Variants in GRM8 observed in about 807,000 individuals in gnomAD.
GRM8 encodes the protein glutamate metabotropic receptor 8.
In GRM8, 47 loss-of-function variants were observed where a neutral mutation model predicts 87.2. The ratio of observed to expected loss-of-function variants is 0.54; its 90% CI spans 0.43 to 0.69. The LOEUF (loss-of-function observed/expected upper bound fraction) is 0.69. GRM8 is among the 30% of genes least tolerant of loss of function. GRM8 has a pLI of 0.00. For synonymous variants in GRM8, 396 were observed against 404.5 expected (o/e 0.98, Z 0.25); for missense variants, 1,019 against 1,139.2 (o/e 0.89, Z 1.52).
chr7:126,557,527 G>A (rs1464929456), intron 8 of GRM8, among the ~76,000 whole-genome samples: 8 of 151,730 alleles, frequency 5.3e-5, no homozygotes, highest in African/African-American at 1.7e-4. Context: ...AGTGGCGATC[G>A]TAAGAAATTT....
chr7:126,842,826 G>A (rs371831090), intron 6 of GRM8, among the ~76,000 whole-genome samples: 240 of 152,306 alleles, frequency 1.6e-3, no homozygotes, highest in African/African-American at 5.6e-3. Flanking sequence ...AAAGAATGCA[G>A]TCCTGCTGAC....
chr7:126,451,473 A>G (rs1048011033), intron 9 of GRM8, among the ~76,000 whole-genome samples: 3 of 151,660 alleles, frequency 2.0e-5, no homozygotes, highest in Non-Finnish European at 4.4e-5. Flanking sequence ...TCAGTACTGT[A>G]ACTGTCCTAG....
At chr7:127,121,602 A>G (rs976015620) in intron 2 of GRM8, among the ~76,000 whole-genome samples, 1 of 152,166 alleles carries the variant, frequency 6.6e-6, no homozygotes, top group African/African-American at 2.4e-5. Flanking sequence ...TAATTGATTC[A>G]CAGTTCTGCA....
intron 7 of GRM8, among the ~76,000 whole-genome samples, chr7:126,664,174 G>T (rs893943605): frequency 6.6e-6 from 1 of 152,134 alleles, no homozygotes; most frequent in Non-Finnish European, 1.5e-5. Flanking sequence ...CATGCTCATG[G>T]ATTAGAAGAA....
intron 3 of GRM8, among the ~76,000 whole-genome samples, chr7:126,997,641 GACT>G (rs2132004132): frequency 6.6e-6 from 1 of 151,590 alleles, no homozygotes; most frequent in South Asian, 2.1e-4. Context: ...GATCATTAGT[GACT>G]ACTATGAGCA....
intron 3 of GRM8, among the ~76,000 whole-genome samples, chr7:127,085,689 T>C (rs1249739180): frequency 1.3e-5 from 2 of 152,224 alleles, no homozygotes; most frequent in African/African-American, 2.4e-5. Context: ...AAGTTCTTTG[T>C]AGATTCTGGA....
intron 3 of GRM8, among the ~76,000 whole-genome samples, chr7:127,016,395 C>T (rs938377342): frequency 3.9e-5 from 6 of 151,964 alleles, no homozygotes; most frequent in African/African-American, 1.4e-4. Flanking sequence ...ATTCCAAAAA[C>T]AACACTTTTC....
intron 3 of GRM8, among the ~76,000 whole-genome samples, chr7:126,929,118 T>C (rs1455144012): frequency 1.3e-5 from 2 of 152,198 alleles, no homozygotes; most frequent in Non-Finnish European, 2.9e-5. Context: ...GGAAATTTGC[T>C]TAAAGGAATT....
At chr7:126,958,146 G>A (rs1338343402) in intron 3 of GRM8, among the ~76,000 whole-genome samples, 2 of 152,148 alleles carry the variant, frequency 1.3e-5, no homozygotes, top group Non-Finnish European at 2.9e-5. Flanking sequence ...GTTGCTCAAT[G>A]AAGCTCCTCT....
At chr7:126,556,313 C>T (rs1230374553) in intron 8 of GRM8, among the ~76,000 whole-genome samples, 1 of 118,268 alleles carries the variant, frequency 8.5e-6, no homozygotes, top group African/African-American at 3.2e-5. Flanking sequence ...ACTAGAGTGA[C>T]AATGGAGAAG....
At chr7:127,070,962 C>A (rs1821624898) in intron 3 of GRM8, among the ~76,000 whole-genome samples, 2 of 152,158 alleles carry the variant, frequency 1.3e-5, no homozygotes, top group African/African-American at 4.8e-5. Context: ...ATTTCATCTT[C>A]AGTTTCTAAC....
intron 3 of GRM8, among the ~76,000 whole-genome samples, chr7:126,984,679 T>C (rs1022478946): frequency 2.0e-5 from 3 of 152,128 alleles, no homozygotes; most frequent in Admixed American, 6.5e-5. Context: ...GATATAAATA[T>C]GTCCTATTAG....
intron 2 of GRM8, among the ~76,000 whole-genome samples, chr7:127,164,269 C>T (rs1469163587): frequency 6.6e-6 from 1 of 152,176 alleles, no homozygotes; most frequent in African/African-American, 2.4e-5. Flanking sequence ...GCTTCTTGTA[C>T]AGCCTGCAGA....
intron 3 of GRM8, among the ~76,000 whole-genome samples, chr7:126,913,571 G>GT (rs762237103): frequency 3.4e-4 from 51 of 152,086 alleles, no homozygotes; most frequent in Non-Finnish European, 6.9e-4. Context: ...ATAACCAGGT[G>GT]TTTTTTTAAG....
chr7:126,873,910 T>C (rs1799314632), intron 6 of GRM8, among the ~76,000 whole-genome samples: 2 of 152,132 alleles, frequency 1.3e-5, no homozygotes, highest in South Asian at 4.1e-4. Flanking sequence ...AATTTTATAT[T>C]CTAAGTCAAT....
intron 7 of GRM8, among the ~76,000 whole-genome samples, chr7:126,653,600 G>A (rs996438900): frequency 6.6e-6 from 1 of 152,174 alleles, no homozygotes; most frequent in Non-Finnish European, 1.5e-5. Context: ...TATCAAAGTG[G>A]TTCAGTTTTC....
intron 3 of GRM8, among the ~76,000 whole-genome samples, chr7:127,014,580 T>G (rs1815214405): frequency 6.6e-6 from 1 of 152,108 alleles, no homozygotes; most frequent in Non-Finnish European, 1.5e-5. Flanking sequence ...AATACGGTTG[T>G]GCAGATTAAA....
intron 3 of GRM8, among the ~76,000 whole-genome samples, chr7:127,101,316 T>TTA (rs1825219873): frequency 2.0e-5 from 3 of 152,122 alleles, no homozygotes; most frequent in Admixed American, 2.0e-4. Context: ...AAATATACAT[T>TTA]CTGATAGATC....
chr7:126,887,273 A>G (rs1011661198), intron 6 of GRM8, among the ~76,000 whole-genome samples: 1 of 152,136 alleles, frequency 6.6e-6, no homozygotes, highest in Admixed American at 6.6e-5. Context: ...TTACAAATGC[A>G]GGCAGTATTT....
Sources: allele counts gnomAD v4.1 joint callset (sites outside exome capture counted in the v4.1 genomes callset), GRCh38; gene constraint gnomAD v4.1.1; transcripts MANE v1.5; gene names NCBI Gene and HGNC (gene_info 2026-07-23, HGNC 2026-07-21).